BRCA1: variants seen among roughly 807,000 people sequenced by gnomAD.
BRCA1 encodes breast cancer type 1 susceptibility protein.
BRCA1 carries 140 observed loss-of-function variants against 173.7 expected under a neutral mutation model. The ratio of observed to expected loss-of-function variants is 0.81; its 90% CI spans 0.70 to 0.93. BRCA1 has a LOEUF of 0.93. Ranked by LOEUF, BRCA1 falls within the 40% of genes least tolerant of loss-of-function variation. The probability of loss-of-function intolerance (pLI) is 0.00; values close to 1 mark genes in which losing one functional copy is unlikely to be tolerated. For missense variants in BRCA1, 1,983 were observed against 2,172.5 expected (o/e 0.91, Z 1.73); for synonymous variants, 662 against 756.0 (o/e 0.88, Z 2.04).
chr17:43,150,733 T>C (rs4793212), intron 1 of BRCA1, among the ~76,000 whole-genome samples: 45,512 of 150,310 alleles, frequency 0.3, 7,367 homozygotes, highest in South Asian at 0.5. Context: ...GAGCTCTAGC[T>C]AAAAAAAAAC....
chr17:43,137,685 C>T (rs1198994890), intron 1 of BRCA1, among the ~76,000 whole-genome samples: 1 of 152,122 alleles, frequency 6.6e-6, no homozygotes, highest in Non-Finnish European at 1.5e-5. Context: ...CAAGACCAGC[C>T]TGGCTAACAT....
At chr17:43,152,876 T>C (rs962799895) in intron 1 of BRCA1, among the ~76,000 whole-genome samples, 3 of 147,484 alleles carry the variant, frequency 2.0e-5, no homozygotes, top group African/African-American at 7.5e-5. Flanking sequence ...AATAAAAAAA[T>C]AAAAAAAAAT....
Position 43,071,877 on chromosome 17 carries a change from G to A in BRCA1, c.4676-639C>T, listed in dbSNP as rs554281750. On this transcript the variant is annotated intron_variant, in intron 14 of 22. Transcript: ENST00000357654. ...AAAAAAATTAGCTGGGCGTGGTGGC[G>A]GGCGCCTGTAGTCCCGGCTACTAGG... is the stretch of plus-strand genomic sequence containing the variant. Among the ~76,000 whole-genome samples the A allele has an allele frequency of 5.9e-5, 9 of 151,530 alleles. No homozygotes were observed. In the South Asian group the frequency reaches 6.2e-4, roughly 10 times the overall value.
intron 1 of BRCA1, chr17:43,167,348 G>A (rs1373315829): frequency 6.6e-6 from 1 of 152,168 alleles, no homozygotes; most frequent in Non-Finnish European, 1.5e-5. Flanking sequence ...CAAGCTCCCC[G>A]AGTGAGCAAT....
chr17:43,095,735 G>T, intron 9 of BRCA1, 111 bp downstream of exon 9: 2 of 890,162 alleles, frequency 2.2e-6, no homozygotes, highest in Non-Finnish European at 3.7e-6. Context: ...TCTGCCAAGA[G>T]ATTTTGTGGG....
chr17:43,147,710 AAATAAAT>A (rs1208158563), intron 1 of BRCA1, among the ~76,000 whole-genome samples: 3 of 152,218 alleles, frequency 2.0e-5, no homozygotes, highest in Non-Finnish European at 4.4e-5. Flanking sequence ...AGGATCCATG[AAATAAAT>A]AATAAATAAA....
intron 3 of BRCA1, among the ~76,000 whole-genome samples, chr17:43,114,422 C>T (rs2055174342): frequency 7.1e-6 from 1 of 140,246 alleles, no homozygotes; most frequent in South Asian, 2.2e-4. Flanking sequence ...TCCCTCTTGT[C>T]GCCCAGGCTG....
At chr17:43,121,563 A>T (rs957891117) in intron 2 of BRCA1, among the ~76,000 whole-genome samples, 11 of 148,084 alleles carry the variant, frequency 7.4e-5, no homozygotes, top group African/African-American at 2.7e-4. Flanking sequence ...CATGCCTGCA[A>T]TCCCAGGTAC....
rs1191811393 is a variant in BRCA1 at position 43,046,249 on chromosome 17, A to G, written c.5468-447T>C. On this transcript the variant is annotated intron_variant, in intron 22 of 22. Transcript: ENST00000357654. The stretch of plus-strand genomic sequence containing the variant: ...TTTTTTTTTTTTTTTTTTTTTTTTG[A>G]GACGGAGTCTTGCTCTTGTTGCTCA... Among the ~76,000 whole-genome samples, 13 of 58,486 alleles carry G rather than the reference A, an allele frequency of 2.2e-4. 1 individual carries two copies. The highest frequency in any genetic ancestry group is 2.8e-4 in the Non-Finnish European group (10 of 35,860). The allele number at this position is 58,486 out of a possible 152,430, so 38.4% of individuals were successfully genotyped here.
At chr17:43,077,505 G>C (rs1371941921) in intron 12 of BRCA1, among the ~76,000 whole-genome samples, 3 of 150,868 alleles carry the variant, frequency 2.0e-5, no homozygotes, top group African/African-American at 7.3e-5. Flanking sequence ...TAGTTTTTTT[G>C]GTATTTTTAG....
intron 6 of BRCA1, 144 bp from the exon 7 acceptor site, chr17:43,100,024 G>T (rs1049073151): frequency 5.5e-6 from 4 of 725,574 alleles, no homozygotes; most frequent in East Asian, 2.6e-5. Flanking sequence ...AAATGCCCAG[G>T]AATTTACACA....
chr17:43,088,947 GAAAA>G (rs1205804463), intron 11 of BRCA1, among the ~76,000 whole-genome samples: 1 of 152,024 alleles, frequency 6.6e-6, no homozygotes, highest in Non-Finnish European at 1.5e-5. Flanking sequence ...ATAAATAAAT[GAAAA>G]AAATAAACTG....
At chr17:43,049,271 G>T in intron 20 of BRCA1, 77 bp from the exon 21 acceptor site, 2 of 1,316,634 alleles carry the variant, frequency 1.5e-6, no homozygotes, top group Non-Finnish European at 2.2e-6. Context: ...TACACTCTCC[G>T]GATGAAGGCT....
At chr17:43,105,475 A>T (rs1467752760) in intron 4 of BRCA1, among the ~76,000 whole-genome samples, 1 of 152,142 alleles carries the variant, frequency 6.6e-6, no homozygotes, top group African/African-American at 2.4e-5. Context: ...TCCTGGCCTC[A>T]AGCAATCATC....
rs80358067 is a variant in BRCA1, at chr17:43,071,254, G to T, written c.4676-16C>A. On this transcript the variant is annotated splice_polypyrimidine_tract_variant and intron_variant, in intron 14 of 22. Transcript: ENST00000357654. ...GGGGTTCCCTCTGAAAGGAATGGGAGAAGTTTAATTTACACAACGATGAAT... is the reference window on the plus strand; with the variant it reads ...GGGGTTCCCTCTGAAAGGAATGGGATAAGTTTAATTTACACAACGATGAAT... The T allele has an allele frequency of 6.2e-7, 1 of 1,611,566 alleles. No individual in the cohort carries two copies. The highest frequency in any genetic ancestry group is 1.3e-5 in the African/African-American group (1 of 74,976).
intron 1 of BRCA1, chr17:43,138,305 G>A (rs1192074331): frequency 3.2e-5 from 11 of 338,728 alleles, no homozygotes; most frequent in Non-Finnish European, 5.5e-6. Context: ...GATACTATAT[G>A]GCCTGCGGAC....
intron 1 of BRCA1, among the ~76,000 whole-genome samples, chr17:43,147,644 A>G (rs913032185): frequency 6.6e-6 from 1 of 152,216 alleles, no homozygotes; most frequent in African/African-American, 2.4e-5. Flanking sequence ...GTATAAAAGG[A>G]ATAGAGTGGG....
chr17:43,079,461 C>T, intron 12 of BRCA1: 2 of 1,442,614 alleles, frequency 1.4e-6, no homozygotes. Flanking sequence ...AGGAATGCCC[C>T]ACAAGTGTTA....
At chr17:43,063,421 C>G (rs2153570843) in intron 17 of BRCA1, 48 bp from the exon 18 acceptor site, 1 of 1,506,910 alleles carries the variant, frequency 6.6e-7, no homozygotes, top group Non-Finnish European at 9.2e-7. Flanking sequence ...GAAGAACGTG[C>G]TCTTTTCACG....
Sources: allele counts gnomAD v4.1 joint callset (sites outside exome capture counted in the v4.1 genomes callset), GRCh38; gene constraint gnomAD v4.1.1; transcripts MANE v1.5; gene names NCBI Gene and HGNC (gene_info 2026-07-23, HGNC 2026-07-21).